Variants in A2ML1 observed in about 807,000 individuals in gnomAD.
A2ML1 encodes the protein alpha-2-macroglobulin like 1.
In A2ML1, 161 loss-of-function variants were observed where a neutral mutation model predicts 181.9. That is an observed-to-expected ratio of 0.89 (90% CI 0.78 to 1.01). The LOEUF (loss-of-function observed/expected upper bound fraction) is 1.01. Ranked by LOEUF, A2ML1 falls within the 50% of genes least tolerant of loss-of-function variation. The pLI is 0.00. For missense variants in A2ML1, 1,670 were observed against 1,768.1 expected (o/e 0.94, Z 1.00); for synonymous variants, 663 against 666.8 (o/e 0.99, Z 0.09).
chr12:8,868,472 GTGTT>G, intron 31 of A2ML1, 61 bp from the exon 32 acceptor site: 1 of 1,599,970 alleles, frequency 6.3e-7, no homozygotes, highest in Admixed American at 1.7e-5. Flanking sequence ...GTGTGTGTGT[GTGTT>G]GGGGATGCAG....
chr12:8,836,569 C>T (rs145653053), intron 7 of A2ML1, among the ~76,000 whole-genome samples: 262 of 150,980 alleles, frequency 1.7e-3, no homozygotes, highest in African/African-American at 5.7e-3. Context: ...CTGCAACCTC[C>T]GCCTCATGGG....
chr12:8,823,187 A>G lies in A2ML1; in HGVS notation c.68A>G (p.Tyr23Cys), dbSNP rs750524549. ...SPAIAEELPN[Y>C]LVTLPARLNF... Reference sequence around the variant, plus strand: ...TCCTTCTGCTCCTTTAATAGAAACTACCTGGTGACATTACCAGCCCGGCTA... The same window carrying G: ...TCCTTCTGCTCCTTTAATAGAAACTGCCTGGTGACATTACCAGCCCGGCTA... Residue 23 changes from tyrosine (Y) to cysteine (C), a missense_variant, in exon 2 of 36, where the codon TAC (tyrosine) becomes TGC (cysteine). Physicochemically the swap from Tyr to Cys is radical, Grantham distance 194. Coordinates refer to ENST00000299698, the MANE Select transcript of A2ML1 (RefSeq NM_144670.6). The G allele has an allele frequency of 2.9e-5, 47 of 1,613,278 alleles. 1 individual carries two copies. In the African/African-American group the frequency reaches 5.6e-4, roughly 19 times the overall value.
chr12:8,874,951 T>C lies in A2ML1; in HGVS notation c.4325-20T>C. On this transcript the variant is annotated intron_variant, in intron 34 of 35. Coordinates refer to ENST00000299698, the MANE Select transcript of A2ML1 (RefSeq NM_144670.6). ...ATAGGAGGCCCTCAAAGTAATAATA[T>C]GACTTATTTCATTTCACAGATGAAC... 2 of 1,613,752 alleles carry C rather than the reference T, an allele frequency of 1.2e-6. No individual in the cohort carries two copies. Among genetic ancestry groups the C allele is most frequent in the Non-Finnish European group, 1.7e-6 (2 of 1,179,708 alleles).
chr12:8,867,702 T>A, intron 29 of A2ML1, 140 bp from the exon 30 acceptor site: 3 of 643,176 alleles, frequency 4.7e-6, no homozygotes, highest in Non-Finnish European at 5.2e-6. Flanking sequence ...CCAGAGGAGG[T>A]GGGTATAGTT....
chr12:8,881,788 G>A (rs1944873662), intron 7 of A2ML1, among the ~76,000 whole-genome samples: 2 of 152,086 alleles, frequency 1.3e-5, no homozygotes, highest in South Asian at 2.1e-4. Flanking sequence ...GAGGCGGGTG[G>A]ATCACGAGGT....
chr12:8,870,025 A>G (rs1437434287), intron 33 of A2ML1, among the ~76,000 whole-genome samples: 1 of 152,222 alleles, frequency 6.6e-6, no homozygotes, highest in Non-Finnish European at 1.5e-5. Flanking sequence ...GAAGTTCTCA[A>G]GGACTAACAA....
chr12:8,823,723 C>CCACCT lies in A2ML1; in HGVS notation c.252_256dup (p.Pro86HisfsTer31), dbSNP rs1565458521. 2 of 1,613,282 alleles carry CCACCT rather than the reference C, an allele frequency of 1.2e-6. No individual in the cohort carries two copies. Among genetic ancestry groups the CCACCT allele is most frequent in the Non-Finnish European group, 1.7e-6 (2 of 1,179,676 alleles). On this transcript the variant is annotated frameshift_variant, in exon 3 of 36. Transcript: ENST00000299698. LOFTEE classifies it high-confidence loss of function. ...AGAAGTCCCCTTTCTTGGTCAGGTA[C>CCACCT]CACCTCCTGCTGGTGGCACAGAAGA... is the stretch of plus-strand genomic sequence containing the variant.
At chr12:8,860,774 T>A in intron 26 of A2ML1, 107 bp from the exon 27 acceptor site, 1 of 944,164 alleles carries the variant, frequency 1.1e-6, no homozygotes, top group South Asian at 1.5e-5. Flanking sequence ...TTTTTTCTTT[T>A]TAAAAATTAT....
chr12:8,853,260 G>A (rs749467773), intron 20 of A2ML1, among the ~76,000 whole-genome samples: 1 of 152,282 alleles, frequency 6.6e-6, no homozygotes, highest in Non-Finnish European at 1.5e-5. Flanking sequence ...CCAAAGTACT[G>A]GGATTACAAG....
chr12:8,841,009 A>G (rs185258004), intron 10 of A2ML1, among the ~76,000 whole-genome samples: 1 of 76,960 alleles, frequency 1.3e-5, no homozygotes, highest in Admixed American at 1.4e-4. Flanking sequence ...GAAGGAAGGA[A>G]GGACGGAAGG....
intron 33 of A2ML1, among the ~76,000 whole-genome samples, chr12:8,873,238 T>G (rs2136989825): frequency 6.9e-6 from 1 of 145,862 alleles, no homozygotes; most frequent in East Asian, 1.9e-4. Context: ...AAATTTATAA[T>G]ACGATTTTTT....
intron 10 of A2ML1, among the ~76,000 whole-genome samples, chr12:8,839,451 A>G (rs1189137898): frequency 6.6e-6 from 1 of 152,220 alleles, no homozygotes; most frequent in Admixed American, 6.5e-5. Flanking sequence ...GATCACAAAT[A>G]GATGGGAACT....
intron 1 of A2ML1, 40 bp downstream of exon 1, chr12:8,822,753 G>A: frequency 6.3e-7 from 1 of 1,592,006 alleles, no homozygotes; most frequent in Non-Finnish European, 8.6e-7. Context: ...TAGGGCAGCG[G>A]CTTCTTCGCC....
rs1943905141 is a variant in A2ML1, at chr12:8,851,915, C to T, written c.2366C>T (p.Pro789Leu). Residue 789 changes from proline to leucine, a missense_variant, in exon 19 of 36, where the codon CCG becomes CTG. Coordinates refer to ENST00000299698, the MANE Select transcript of A2ML1 (RefSeq NM_144670.6). Reference protein sequence around the residue: ...SPTVGLTAFKPFFVDLTLPYS... With the variant: ...SPTVGLTAFKLFFVDLTLPYS... ...ACTGTTGGACTAACTGCTTTCAAGC[C>T]GTTCTTTGTTGACCTGACTCTCCCT... 1 of 1,614,140 alleles carries T rather than the reference C, an allele frequency of 6.2e-7. No individual in the cohort carries two copies. The highest frequency in any genetic ancestry group is 1.1e-5 in the South Asian group (1 of 91,086).
chr12:8,824,901 T>C (rs1942879422), intron 3 of A2ML1, among the ~76,000 whole-genome samples: 1 of 152,218 alleles, frequency 6.6e-6, no homozygotes. Flanking sequence ...CCATTCAGGC[T>C]GTTGCAAAGG....
chr12:8,872,699 G>T (rs770431678), intron 33 of A2ML1, among the ~76,000 whole-genome samples: 5 of 150,454 alleles, frequency 3.3e-5, no homozygotes, highest in African/African-American at 1.2e-4. Context: ...CAGAAGAATC[G>T]CCTGAACCTG....
Position 8,860,851 on chromosome 12 carries a change from C to CT in A2ML1, c.3265-29dup, listed in dbSNP as rs756049585. 5 of 1,607,634 alleles carry CT rather than the reference C, an allele frequency of 3.1e-6. No homozygotes were observed. In the African/African-American group the frequency reaches 6.7e-5, roughly 22 times the overall value. Reference sequence around the variant, plus strand: ...ATTCTTGCAGCTGCTGCCTGCTGCCCTGACTCACTGCCTCCCTGTTTGCCT... The same window carrying CT: ...ATTCTTGCAGCTGCTGCCTGCTGCCCTTGACTCACTGCCTCCCTGTTTGCCT... On this transcript the variant is annotated intron_variant, in intron 26 of 35. Coordinates refer to ENST00000299698, the MANE Select transcript of A2ML1 (RefSeq NM_144670.6).
chr12:8,857,707 T>A (rs1944118051), intron 25 of A2ML1, 119 bp downstream of exon 25: 1 of 1,192,318 alleles, frequency 8.4e-7, no homozygotes, highest in Non-Finnish European at 1.2e-6. Context: ...GTCTTCTACC[T>A]CTTTAATACT....
rs1403003432 is a variant in A2ML1 at position 8,823,248 on chromosome 12, G to C, written c.129G>C (p.Leu43=). The change falls in exon 2 of 36, where the codon CTG becomes CTC. Residue 43 remains leucine, a synonymous_variant. Coordinates refer to ENST00000299698, the MANE Select transcript of A2ML1 (RefSeq NM_144670.6). ...FPSVQKVCLD[L]SPGYSDVKFT... Reference sequence around the variant, plus strand: ...CCGTTCAGAAGGTTTGTTTGGACCTGAGCCCTGGGTACAGTGATGTTAAAT... The same window carrying C: ...CCGTTCAGAAGGTTTGTTTGGACCTCAGCCCTGGGTACAGTGATGTTAAAT... The C allele has an allele frequency of 3.1e-6, 5 of 1,614,146 alleles. No homozygotes were observed. In the South Asian group the frequency reaches 5.5e-5, roughly 18 times the overall value.
Sources: allele counts gnomAD v4.1 joint callset (sites outside exome capture counted in the v4.1 genomes callset), GRCh38; gene constraint gnomAD v4.1.1; transcripts MANE v1.5; gene names NCBI Gene and HGNC (gene_info 2026-07-23, HGNC 2026-07-21).